FBN3: variants seen among roughly 807,000 people sequenced by gnomAD.
FBN3 encodes the protein fibrillin-3.
FBN3 carries 234 observed loss-of-function variants against 330.1 expected under a neutral mutation model. That is an observed-to-expected ratio of 0.71 (90% CI 0.64 to 0.79). The LOEUF (loss-of-function observed/expected upper bound fraction) is 0.79. FBN3 is among the 30% of genes least tolerant of loss of function. The pLI, the probability that FBN3 is intolerant of heterozygous loss-of-function variation, is 0.00. For missense variants in FBN3, 3,606 were observed against 3,886.9 expected, an observed-to-expected ratio of 0.93 and a Z score of 1.92; for synonymous variants, 1,458 against 1,517.3, an observed-to-expected ratio of 0.96 and a Z score of 0.91.
chr19:8,118,487 G>A (rs181857397), intron 26 of FBN3, among the ~76,000 whole-genome samples: 51 of 151,984 alleles, frequency 3.4e-4, no homozygotes, highest in African/African-American at 1.1e-3. Context: ...ACACACCTAC[G>A]CACATGCAAA....
chr19:8,071,909 ATGACATGGGGAACC>A lies in FBN3; in HGVS notation c.8088+125_8088+138del, dbSNP rs1359904907. 324 of 862,774 alleles carry A rather than the reference ATGACATGGGGAACC, an allele frequency of 3.8e-4. 4 individuals carry two copies. Among genetic ancestry groups the A allele is most frequent in the Non-Finnish European group, 1.6e-5 (9 of 568,738 alleles). 53.4% of individuals were successfully genotyped at this position (862,774 alleles called of 1,614,324 possible). A position where few individuals can be genotyped will look rare whatever the true frequency, so the allele number is the denominator to read the frequency against. On this transcript the variant is annotated intron_variant, in intron 63 of 63. Coordinates refer to ENST00000600128, the MANE Select transcript of FBN3 (RefSeq NM_032447.5). Reference sequence around the variant, plus strand: ...CACAAGAAGGCCCTAAGCCGGCACCATGACATGGGGAACCTGTTGGGATCTGGAGCCTGGTGCTC... The same window carrying A: ...CACAAGAAGGCCCTAAGCCGGCACCATGTTGGGATCTGGAGCCTGGTGCTC...
intron 54 of FBN3, among the ~76,000 whole-genome samples, 185 bp downstream of exon 54, chr19:8,086,892 C>T (rs976096192): frequency 6.6e-6 from 1 of 151,982 alleles, no homozygotes; most frequent in Non-Finnish European, 1.5e-5. Context: ...CCTGTCCCCC[C>T]CCACTGCCTG....
chr19:8,066,239 A>C lies in FBN3; in HGVS notation c.8110T>G (p.Ser2704Ala). The C allele has an allele frequency of 6.4e-7, 1 of 1,574,772 alleles. No individual in the cohort carries two copies. Among genetic ancestry groups the C allele is most frequent in the South Asian group, 1.1e-5 (1 of 88,228 alleles). Residue 2704 changes from serine (S) to alanine (A), a missense_variant, in exon 64 of 64, where the codon TCC becomes GCC. Physicochemically the swap from Ser to Ala is moderately conservative, Grantham distance 99. Transcript: ENST00000600128. ...AGGCCCAAGGTCAGCAGGGCCTCGG[A>C]GTCAAGGGTGGCCAGGTTCACCTGG... is the stretch of plus-strand genomic sequence containing the variant. ...DHQVNLATLD[S>A]EALLTLGLNL...
At chr19:8,118,838 C>T (rs954604729) in intron 26 of FBN3, 59 bp downstream of exon 26, 44 of 1,568,906 alleles carry the variant, frequency 2.8e-5, no homozygotes, top group Non-Finnish European at 3.7e-5. Flanking sequence ...ACCAGACATC[C>T]ACTCACTTTC....
rs796099992 is a variant in FBN3, at chr19:8,130,639, A to G, written c.2044+596T>C. 3.8e-3 allele frequency among the ~76,000 whole-genome samples: 15 copies of G among 3,962 alleles called. 2 individuals are homozygous for G. The highest frequency in any genetic ancestry group is 0.021 in the African/African-American group (10 of 472). 2.6% of individuals were successfully genotyped at this position (3,962 alleles called of 152,430 possible). On this transcript the variant is annotated intron_variant, in intron 16 of 63. Transcript: ENST00000600128. ...AAGAAAGAAAGAAAGAAAGAAAGAA[A>G]GAAAGGAAAGGAAAGGAAAGGAAAA...
intron 8 of FBN3, among the ~76,000 whole-genome samples, chr19:8,139,075 G>A (rs1207650540): frequency 2.6e-5 from 4 of 151,776 alleles, no homozygotes; most frequent in East Asian, 3.9e-4. Flanking sequence ...AGGGCCGGGC[G>A]CAGTGGCTCA....
chr19:8,103,753 C>T, intron 38 of FBN3, 66 bp from the exon 39 acceptor site: 1 of 1,531,292 alleles, frequency 6.5e-7, no homozygotes, highest in Non-Finnish European at 8.9e-7. Flanking sequence ...AATAACTCCA[C>T]TCCAGAGACC....
chr19:8,068,667 A>G (rs1269363159), intron 63 of FBN3, among the ~76,000 whole-genome samples: 1 of 152,056 alleles, frequency 6.6e-6, no homozygotes, highest in African/African-American at 2.4e-5. Context: ...GCGCCACTGC[A>G]TTCCAGCCTG....
chr19:8,121,482 T>TTCCTCTAGCCCAC lies in FBN3; in HGVS notation c.3083-97_3083-96insGTGGGCTAGAGGA. The TTCCTCTAGCCCAC allele has an allele frequency of 7.8e-7, 1 of 1,285,008 alleles. No homozygotes were observed. The highest frequency in any genetic ancestry group is 1.0e-6 in the Non-Finnish European group (1 of 955,832). 79.6% of individuals were successfully genotyped at this position (1,285,008 alleles called of 1,614,324 possible). A position where few individuals can be genotyped will look rare whatever the true frequency, so the allele number is the denominator to read the frequency against. Reference sequence around the variant, plus strand: ...CCTGTCCTTTGATGGAGGTGTGGGCTAGAGGAAGCCCATCTGCAGACATAA... The same window carrying TTCCTCTAGCCCAC: ...CCTGTCCTTTGATGGAGGTGTGGGCTTCCTCTAGCCCACAGAGGAAGCCCATCTGCAGACATAA... On this transcript the variant is annotated intron_variant, in intron 24 of 63. Transcript: ENST00000600128. This position sits in a 1 kb window ranked among gnomAD's most constrained non-coding sequence, Gnocchi z 4.5.
rs143646344 is a variant in FBN3 at position 8,126,474 on chromosome 19, C to T, written c.2548G>A (p.Glu850Lys). 3.0e-5 allele frequency: 48 copies of T among 1,611,836 alleles called. No homozygotes were observed. In the South Asian group the frequency reaches 3.3e-4, roughly 11 times the overall value. Residue 850 changes from glutamate to lysine, a missense_variant, in exon 20 of 64, where the codon GAG becomes AAG. Coordinates refer to ENST00000600128, the MANE Select transcript of FBN3 (RefSeq NM_032447.5). ...AAWGSPCERC[E>K]IDPACARGFA... The stretch of plus-strand genomic sequence containing the variant: ...GCCTCAAGGAGGATACTACCGATCT[C>T]GCAGCGTTCGCAGGGGCTCCCCCAG...
intron 39 of FBN3, 108 bp downstream of exon 39, chr19:8,103,454 T>C (rs1286408105): frequency 3.4e-6 from 4 of 1,177,668 alleles, no homozygotes; most frequent in Non-Finnish European, 4.8e-6. Context: ...CAGCACTTCA[T>C]ATATGCTTAC....
At chr19:8,082,301 CTTT>C (rs1568364809) in intron 57 of FBN3, among the ~76,000 whole-genome samples, 2 of 126,884 alleles carry the variant, frequency 1.6e-5, no homozygotes, top group Non-Finnish European at 3.5e-5. Flanking sequence ...CCCTTTCTCT[CTTT>C]CTCCCTTTCT....
At chr19:8,135,936 G>GGGGGGGGGGGGGGGGCCGCCCCCCCCCC in intron 13 of FBN3, 25 bp downstream of exon 13, 2 of 668,776 alleles carry the variant, frequency 3.0e-6, no homozygotes, top group Non-Finnish European at 4.8e-6. Flanking sequence ...GGAAGCCCCT[G>GGGGGGGGGGGGGGGGCCGCCCCCCCCCC]CCCACCCGCC....
chr19:8,093,572 G>A (rs2144713875), intron 47 of FBN3, among the ~76,000 whole-genome samples: 1 of 152,170 alleles, frequency 6.6e-6, no homozygotes, highest in South Asian at 2.1e-4. Context: ...GCAGTGAGCC[G>A]AGATTGTGCC....
chr19:8,117,306 G>A lies in FBN3; in HGVS notation c.3464-15C>T, dbSNP rs746395954. The stretch of plus-strand genomic sequence containing the variant: ...TTCGTTGATGTCTGCAGGATGCAGG[G>A]CAGACAGGGGCTGGGGCTGGGGGGA... On this transcript the variant is annotated splice_polypyrimidine_tract_variant and intron_variant, in intron 27 of 63. Coordinates refer to ENST00000600128, the MANE Select transcript of FBN3 (RefSeq NM_032447.5). The A allele has an allele frequency of 1.3e-6, 2 of 1,563,714 alleles. No individual in the cohort carries two copies. Among genetic ancestry groups the A allele is most frequent in the East Asian group, 2.4e-5 (1 of 41,834 alleles).
In FBN3 at chr19:8,112,061, T is replaced by G. The variant is rs4804063; in HGVS notation, c.3877A>C (p.Ser1293Arg). 6.2e-7 allele frequency: 1 copy of G among 1,611,864 alleles called. No individual in the cohort carries two copies. Among genetic ancestry groups the G allele is most frequent in the Non-Finnish European group, 8.5e-7 (1 of 1,178,964 alleles). ...ECEVGGHNCD[S>R]HASCLNIPGS... ...GGGATGTTGAGACAGGAGGCGTGAC[T>G]GTCACAGTTGTGTCCTCCAACCTCG... The change falls in exon 31 of 64, where the codon AGT becomes CGT. Residue 1293 changes from serine (S) to arginine (R), a missense_variant. Physicochemically the swap from Ser to Arg is moderately radical, Grantham distance 110. Transcript: ENST00000600128.
chr19:8,081,423 T>G lies in FBN3; in HGVS notation c.7271A>C (p.Lys2424Thr), dbSNP rs778543423. Reference protein sequence around the residue: ...KPCTFLCKNTKGSFLCSCPRG... With the variant: ...KPCTFLCKNTTGSFLCSCPRG... ...GGGACAGCTGCACAGGAAACTGCCCTTCGTGTTTTTGCAGAGGAAGGTACA... is the reference window on the plus strand; with the variant it reads ...GGGACAGCTGCACAGGAAACTGCCCGTCGTGTTTTTGCAGAGGAAGGTACA... Residue 2424 changes from lysine to threonine, a missense_variant, in exon 58 of 64, where the codon AAG becomes ACG. Physicochemically the swap from Lys to Thr is moderately conservative, Grantham distance 78 (BLOSUM62 -1). Coordinates refer to ENST00000600128, the MANE Select transcript of FBN3 (RefSeq NM_032447.5). The G allele has an allele frequency of 3.7e-6, 6 of 1,612,634 alleles. No homozygotes were observed. In the South Asian group the frequency reaches 6.6e-5, roughly 18 times the overall value.
intron 25 of FBN3, 79 bp from the exon 26 acceptor site, chr19:8,119,101 C>A: frequency 6.8e-7 from 1 of 1,477,600 alleles, no homozygotes. Context: ...ATGCTGGCTT[C>A]TCTCCGCCAC....
At position 8,097,218 on chromosome 19, in the gene FBN3, C is replaced by T. The variant is rs907049260; in HGVS notation, c.5287+71G>A. The T allele has an allele frequency of 1.1e-5, 17 of 1,549,788 alleles. No homozygotes were observed. The East Asian group carries it at 1.2e-4, about 11-fold the overall frequency. ...GGAGGCTTACAGAGTTTTAGTTACT[C>T]GCCCAGATTGCACAGTGGCGGACAT... On this transcript the variant is annotated intron_variant, in intron 42 of 63. Transcript: ENST00000600128.
Sources: allele counts gnomAD v4.1 joint callset (sites outside exome capture counted in the v4.1 genomes callset), GRCh38; gene constraint gnomAD v4.1.1; non-coding constraint Gnocchi (gnomAD v3.1); transcripts MANE v1.5; gene names NCBI Gene and HGNC (gene_info 2026-07-23, HGNC 2026-07-21).